The following THADA variants were observed in gnomAD, a reference collection of about 807,000 sequenced individuals.
The protein encoded by THADA is tRNA (32-2'-O)-methyltransferase regulator THADA.
THADA carries 213 observed loss-of-function variants against 219.8 expected under a neutral mutation model. The observed-to-expected ratio is 0.97, with a 90% CI of 0.87 to 1.09. The LOEUF (loss-of-function observed/expected upper bound fraction) is 1.09. THADA is among the 50% of genes least tolerant of loss of function. The pLI is 0.00. For missense variants in THADA, 2,956 were observed against 2,311.3 expected, an observed-to-expected ratio of 1.28 and a Z score of -5.72; for synonymous variants, 1,018 against 828.9, an observed-to-expected ratio of 1.23 and a Z score of -3.92.
intron 25 of THADA, among the ~76,000 whole-genome samples, chr2:43,491,187 T>C (rs555970692): frequency 5.9e-5 from 9 of 152,200 alleles, no homozygotes; most frequent in Non-Finnish European, 2.9e-5. Context: ...AGACAAAGAA[T>C]TGAGAAAGAG....
At chr2:43,243,041 G>A (rs546745872) in intron 36 of THADA, among the ~76,000 whole-genome samples, 1 of 152,240 alleles carries the variant, frequency 6.6e-6, no homozygotes, top group African/African-American at 2.4e-5. Context: ...AGGAGTTGGC[G>A]GTATTTCTTT....
At chr2:43,595,317 G>C (rs770046075) in intron 1 of THADA, among the ~76,000 whole-genome samples, 6 of 152,298 alleles carry the variant, frequency 3.9e-5, no homozygotes, top group East Asian at 1.9e-4. Flanking sequence ...AGCTAGGAAA[G>C]TGTCGACAAC....
rs539321681 is a variant in THADA, at chr2:43,367,734, T to C, written c.4228-23497A>G. ...TGGTAAAGACCTACTTTACCACTTT[T>C]CTAAAGTTCACTGCTTTTCCAGTCT... On this transcript the variant is annotated intron_variant, in intron 29 of 37. Coordinates refer to ENST00000405975, the MANE Select transcript of THADA (RefSeq NM_022065.5). 1.0e-3 allele frequency among the ~76,000 whole-genome samples: 157 copies of C among 152,324 alleles called. 1 individual carries two copies. Among genetic ancestry groups the C allele is most frequent in the African/African-American group, 3.7e-3 (153 of 41,576 alleles).
At chr2:43,475,758 G>C (rs1685458854) in intron 26 of THADA, among the ~76,000 whole-genome samples, 1 of 152,142 alleles carries the variant, frequency 6.6e-6, no homozygotes, top group South Asian at 2.1e-4. Context: ...GCTGCTTACA[G>C]GAATGAATTT....
intron 28 of THADA, among the ~76,000 whole-genome samples, chr2:43,398,945 A>G (rs1166570232): frequency 1.3e-5 from 2 of 152,198 alleles, no homozygotes; most frequent in African/African-American, 4.8e-5. Flanking sequence ...AATAAAAGCC[A>G]GTTCTTAAAT....
chr2:43,360,977 C>T (rs149186558), intron 29 of THADA, among the ~76,000 whole-genome samples: 1 of 152,242 alleles, frequency 6.6e-6, no homozygotes, highest in East Asian at 1.9e-4. Flanking sequence ...ATATCTACAA[C>T]ATTTTTAGTT....
chr2:43,257,646 G>T (rs1210284284), intron 36 of THADA, among the ~76,000 whole-genome samples: 1 of 152,204 alleles, frequency 6.6e-6, no homozygotes, highest in Non-Finnish European at 1.5e-5. Flanking sequence ...TCAAGGTGAA[G>T]GTCAGTGATT....
intron 31 of THADA, among the ~76,000 whole-genome samples, chr2:43,305,970 C>T (rs1458178144): frequency 6.7e-6 from 1 of 148,338 alleles, no homozygotes. Flanking sequence ...CCCTCCCTCC[C>T]TTCTCTCTCT....
intron 36 of THADA, among the ~76,000 whole-genome samples, chr2:43,248,578 G>T (rs1339908671): frequency 6.6e-6 from 1 of 152,152 alleles, no homozygotes; most frequent in Non-Finnish European, 1.5e-5. Flanking sequence ...TAGGAGTTAC[G>T]ATGGAAAATA....
intron 36 of THADA, among the ~76,000 whole-genome samples, chr2:43,234,521 C>T (rs546691634): frequency 2.6e-5 from 4 of 152,144 alleles, no homozygotes; most frequent in African/African-American, 9.7e-5. Context: ...GGGTCTGAGC[C>T]ATGTGTTGAC....
At chr2:43,583,223 C>T (rs1700646166) in intron 7 of THADA, among the ~76,000 whole-genome samples, 1 of 152,184 alleles carries the variant, frequency 6.6e-6, no homozygotes, top group African/African-American at 2.4e-5. Context: ...TCCAAATCTG[C>T]TGTACCTGCT....
At chr2:43,528,126 C>CTTTT (rs367822642) in intron 21 of THADA, 138 bp from the exon 22 acceptor site, 38 of 162,914 alleles carry the variant, frequency 2.3e-4, no homozygotes, top group African/African-American at 4.4e-4. Flanking sequence ...ATGTTTTAAG[C>CTTTT]TTTTTTTTTT....
rs59292030 is a variant in THADA, at chr2:43,250,701, A to AAAAAT, written c.5297-17824_5297-17820dup. 7.6e-3 allele frequency among the ~76,000 whole-genome samples: 1,150 copies of AAAAAT among 152,088 alleles called. 17 individuals carry two copies. Among genetic ancestry groups the AAAAAT allele is most frequent in the African/African-American group, 0.02 (824 of 41,452 alleles). ...CAACATAGTGAGATCGTTTCTCTAT[A>AAAAAT]AAAATAAAATAAAATAAAATAAAAT... On this transcript the variant is annotated intron_variant, in intron 36 of 37. Transcript: ENST00000405975.
chr2:43,303,839 G>A (rs561799261), intron 31 of THADA, among the ~76,000 whole-genome samples: 9 of 152,132 alleles, frequency 5.9e-5, no homozygotes, highest in East Asian at 1.9e-4. Context: ...TCAGACCGGC[G>A]GTTCTCAAAC....
chr2:43,411,876 G>A (rs572154672), intron 28 of THADA, among the ~76,000 whole-genome samples: 1 of 152,274 alleles, frequency 6.6e-6, no homozygotes, highest in East Asian at 1.9e-4. Context: ...TTGCCTTCAA[G>A]TCTTTCCCTG....
intron 26 of THADA, among the ~76,000 whole-genome samples, chr2:43,456,356 G>C (rs1220545397): frequency 6.6e-6 from 1 of 152,078 alleles, no homozygotes; most frequent in Non-Finnish European, 1.5e-5. Flanking sequence ...TTTTAGAAAA[G>C]GCTGCTACTA....
At chr2:43,402,529 A>G (rs1573478143) in intron 28 of THADA, among the ~76,000 whole-genome samples, 1 of 152,308 alleles carries the variant, frequency 6.6e-6, no homozygotes, top group South Asian at 2.1e-4. Flanking sequence ...TTCTCCTCTC[A>G]TATCTACTCT....
chr2:43,523,865 T>C (rs1432928953), intron 22 of THADA, among the ~76,000 whole-genome samples: 1 of 152,236 alleles, frequency 6.6e-6, no homozygotes, highest in Non-Finnish European at 1.5e-5. Context: ...AGATTTAGAA[T>C]TATAATCAAT....
At chr2:43,537,237 C>T (rs1349276280) in intron 21 of THADA, among the ~76,000 whole-genome samples, 4 of 152,228 alleles carry the variant, frequency 2.6e-5, no homozygotes, top group Non-Finnish European at 4.4e-5. Flanking sequence ...TGCTTTCTAG[C>T]AAATTCTTAA....
Sources: allele counts gnomAD v4.1 joint callset (sites outside exome capture counted in the v4.1 genomes callset), GRCh38; gene constraint gnomAD v4.1.1; transcripts MANE v1.5; gene names NCBI Gene and HGNC (gene_info 2026-07-23, HGNC 2026-07-21).